PRDM2: variants seen among roughly 807,000 people sequenced by gnomAD.
PRDM2 encodes the protein PR domain zinc finger protein 2.
PRDM2 carries 30 observed loss-of-function variants against 130.0 expected under a neutral mutation model. The observed-to-expected ratio is 0.23, with a 90% CI of 0.17 to 0.31. PRDM2 has a LOEUF of 0.31. Among genes scored for constraint, PRDM2 ranks in the 10% least tolerant of loss-of-function variants. The probability of loss-of-function intolerance (pLI) is 1.00; values close to 1 mark genes in which losing one functional copy is unlikely to be tolerated. For missense variants in PRDM2, 2,011 were observed against 2,108.4 expected (o/e 0.95, Z 0.90); for synonymous variants, 871 against 782.4 (o/e 1.11, Z -1.89).
chr1:13,807,673 A>G (rs1034932644), intron 8 of PRDM2, among the ~76,000 whole-genome samples: 1 of 152,220 alleles, frequency 6.6e-6, no homozygotes, highest in Non-Finnish European at 1.5e-5. Context: ...AGAATGGGCC[A>G]CTGGAAATCT....
chr1:13,792,517 CA>C (rs1176323431), intron 8 of PRDM2, among the ~76,000 whole-genome samples: 1 of 152,170 alleles, frequency 6.6e-6, no homozygotes, highest in Non-Finnish European at 1.5e-5. Flanking sequence ...TAATCGCATC[CA>C]ATCCTTGCCA....
At chr1:13,764,206 C>G (rs1644170627) in intron 6 of PRDM2, among the ~76,000 whole-genome samples, 1 of 152,168 alleles carries the variant, frequency 6.6e-6, no homozygotes, top group Non-Finnish European at 1.5e-5. Context: ...TGCACCTCCT[C>G]TACAACACCT....
chr1:13,786,517 A>G lies in PRDM2; in HGVS notation c.5036+3686A>G. ...TCTTCAGTTTTCTTATTTTCTAGGA[A>G]CTTCCTGTAGAAAAGCCCCCAAAAC... is the stretch of plus-strand genomic sequence containing the variant. On this transcript the variant is annotated intron_variant, in intron 8 of 9. Coordinates refer to ENST00000311066, the MANE Select transcript of PRDM2 (RefSeq NM_001393986.1). 2 of 1,610,740 alleles carry G rather than the reference A, an allele frequency of 1.2e-6. No individual in the cohort carries two copies. The highest frequency in any genetic ancestry group is 1.7e-6 in the Non-Finnish European group (2 of 1,179,374).
intron 2 of PRDM2, chr1:13,717,517 A>G: frequency 2.5e-6 from 2 of 794,090 alleles, no homozygotes. Context: ...TACATCTTTA[A>G]CCTTAGGATT....
intron 2 of PRDM2, among the ~76,000 whole-genome samples, chr1:13,716,453 TAAA>T (rs1013431679): frequency 6.6e-6 from 1 of 150,728 alleles, no homozygotes; most frequent in Non-Finnish European, 1.5e-5. Flanking sequence ...AGTATAATAA[TAAA>T]AAAATAAAAA....
At chr1:13,777,130 G>A (rs1008825940) in intron 7 of PRDM2, among the ~76,000 whole-genome samples, 15 of 152,108 alleles carry the variant, frequency 9.9e-5, no homozygotes, top group African/African-American at 3.6e-4. Context: ...CGTTTTATTA[G>A]CCAGGATTAT....
intron 8 of PRDM2, among the ~76,000 whole-genome samples, chr1:13,802,718 G>C (rs772745705): frequency 6.6e-6 from 1 of 152,162 alleles, no homozygotes. Flanking sequence ...TCTCATAAGG[G>C]ACCATCATCT....
chr1:13,822,523 G>A lies in PRDM2; in HGVS notation c.*24-636G>A, dbSNP rs12136989. 8.4e-4 allele frequency among the ~76,000 whole-genome samples: 128 copies of A among 151,918 alleles called. 1 individual carries two copies. The highest frequency in any genetic ancestry group is 3.1e-3 in the Admixed American group (48 of 15,270). ...CCATTCTCCTGCCTTAGCCTCCTGA[G>A]TAGCTGGGACTACAGGCACCTGCCA... On this transcript the variant is annotated intron_variant, in intron 9 of 9. Transcript: ENST00000311066.
intron 9 of PRDM2, among the ~76,000 whole-genome samples, chr1:13,816,852 A>G (rs2100769143): frequency 6.6e-6 from 1 of 152,352 alleles, no homozygotes; most frequent in Middle Eastern, 3.4e-3. Flanking sequence ...GGGCACTACA[A>G]TAGGACCTAC....
intron 8 of PRDM2, among the ~76,000 whole-genome samples, chr1:13,810,767 T>C (rs975730379): frequency 1.3e-5 from 2 of 151,976 alleles, no homozygotes; most frequent in South Asian, 4.2e-4. Flanking sequence ...GCACTGGGAT[T>C]ACAGGCGTGA....
intron 7 of PRDM2, among the ~76,000 whole-genome samples, chr1:13,774,411 A>AT (rs1051431831): frequency 1.3e-5 from 2 of 152,224 alleles, no homozygotes; most frequent in Non-Finnish European, 2.9e-5. Flanking sequence ...TTTCATAACC[A>AT]TTTTTAAGCA....
chr1:13,819,881 TC>T (rs1185534649), intron 9 of PRDM2, among the ~76,000 whole-genome samples: 1 of 152,132 alleles, frequency 6.6e-6, no homozygotes, highest in East Asian at 1.9e-4. Context: ...CCTAATCACC[TC>T]CCAAAGGCCC....
At chr1:13,787,394 T>C in intron 8 of PRDM2, 1 of 984,420 alleles carries the variant, frequency 1.0e-6, no homozygotes, top group South Asian at 4.7e-5. Context: ...TAATATCATT[T>C]ATCCTTACAT....
chr1:13,767,634 C>G (rs1393345508), intron 6 of PRDM2, among the ~76,000 whole-genome samples: 1 of 152,014 alleles, frequency 6.6e-6, no homozygotes, highest in African/African-American at 2.4e-5. Flanking sequence ...ACTTTTTTCA[C>G]TTGCACTTGA....
At chr1:13,773,295 C>T (rs1008730296) in intron 7 of PRDM2, 107 bp downstream of exon 7, 9 of 647,146 alleles carry the variant, frequency 1.4e-5, no homozygotes, top group South Asian at 1.1e-4. Context: ...AGGATCTTTA[C>T]GAGGTTAAAC....
chr1:13,765,548 C>G (rs949870770), intron 6 of PRDM2, among the ~76,000 whole-genome samples: 2 of 152,114 alleles, frequency 1.3e-5, no homozygotes, highest in Non-Finnish European at 1.5e-5. Flanking sequence ...TCACTGCAGC[C>G]TCCGCCTCCT....
chr1:13,797,507 A>G (rs1437883144), intron 8 of PRDM2, among the ~76,000 whole-genome samples: 1 of 152,256 alleles, frequency 6.6e-6, no homozygotes, highest in Non-Finnish European at 1.5e-5. Context: ...TTTAAAAATT[A>G]CAGACACAGC....
At position 13,732,679 on chromosome 1, in the gene PRDM2, T is replaced by C. The variant is rs1643146826; in HGVS notation, c.128-100T>C. The C allele has an allele frequency of 4.9e-6, 4 of 810,016 alleles. No individual in the cohort carries two copies. In the Admixed American group the frequency reaches 1.3e-4, roughly 26 times the overall value. The allele number at this position is 810,016 out of a possible 1,614,324, so 50.2% of individuals were successfully genotyped here. A position where few individuals can be genotyped will look rare whatever the true frequency, so the allele number is the denominator to read the frequency against. ...TTTAACATTAGCTTGATTTAGGCAG[T>C]CTAGCCTTTTAACTGTTTTGTGAAA... On this transcript the variant is annotated intron_variant, in intron 3 of 9. Coordinates refer to ENST00000311066, the MANE Select transcript of PRDM2 (RefSeq NM_001393986.1).
intron 2 of PRDM2, among the ~76,000 whole-genome samples, chr1:13,725,994 C>T (rs964730168): frequency 2.0e-5 from 3 of 152,200 alleles, no homozygotes; most frequent in Admixed American, 6.5e-5. Context: ...GACCCTGAAG[C>T]GAGATTGTCT....
Sources: allele counts gnomAD v4.1 joint callset (sites outside exome capture counted in the v4.1 genomes callset), GRCh38; gene constraint gnomAD v4.1.1; transcripts MANE v1.5; gene names NCBI Gene and HGNC (gene_info 2026-07-23, HGNC 2026-07-21).